The following TET3 variants were observed in gnomAD, a reference collection of about 807,000 sequenced individuals.
TET3 encodes the protein methylcytosine dioxygenase TET3.
Under a neutral mutation model 141.4 loss-of-function variants are expected in TET3, and 19 were observed. The ratio of observed to expected loss-of-function variants is 0.13; its 90% CI spans 0.09 to 0.20. TET3 has a LOEUF of 0.20. Ranked by LOEUF, TET3 falls within the 10% of genes least tolerant of loss-of-function variation. The probability of loss-of-function intolerance (pLI) is 1.00; values close to 1 mark genes in which losing one functional copy is unlikely to be tolerated. For synonymous variants in TET3, 1,043 were observed against 980.9 expected, an observed-to-expected ratio of 1.06 and a Z score of -1.18; for missense variants, 1,874 against 2,356.9, an observed-to-expected ratio of 0.80 and a Z score of 4.24.
At chr2:74,019,273 A>G (rs377532320) in intron 3 of TET3, among the ~76,000 whole-genome samples, 4 of 152,148 alleles carry the variant, frequency 2.6e-5, no homozygotes, top group African/African-American at 9.7e-5. Flanking sequence ...AAACCAAACA[A>G]ACAAAATAAA....
chr2:73,988,500 G>GC (rs1245394034), intron 2 of TET3, among the ~76,000 whole-genome samples: 3 of 152,210 alleles, frequency 2.0e-5, no homozygotes, highest in Non-Finnish European at 4.4e-5. Flanking sequence ...TGGGAGTGAG[G>GC]CCAGGACCTT....
At chr2:74,021,790 G>C (rs76186867) in intron 3 of TET3, among the ~76,000 whole-genome samples, 1,642 of 152,270 alleles carry the variant, frequency 0.011, 32 homozygotes, top group Non-Finnish European at 0.013. Context: ...TAACAAAAGA[G>C]GCTGCCTGTT....
intron 2 of TET3, among the ~76,000 whole-genome samples, chr2:73,998,159 C>T (rs1031791360): frequency 3.3e-5 from 5 of 152,176 alleles, no homozygotes; most frequent in African/African-American, 7.2e-5. Flanking sequence ...GTTAATTCCT[C>T]TTGGAAGTCT....
chr2:74,073,751 A>C, intron 5 of TET3, 112 bp downstream of exon 5: 2 of 812,336 alleles, frequency 2.5e-6, no homozygotes, highest in South Asian at 2.1e-5. Flanking sequence ...CAGAAAGGAA[A>C]CCCTGATAAC....
chr2:74,132,097 C>G, the TET3 span, among the ~76,000 whole-genome samples: 1 of 152,164 alleles, frequency 6.6e-6, no homozygotes, highest in Non-Finnish European at 1.5e-5. Flanking sequence ...TTCCTCCAGT[C>G]AAGAACATCT....
Position 74,101,124 on chromosome 2 carries a change from C to T in TET3, c.4336C>T (p.Pro1446Ser), listed in dbSNP as rs781407750. 6.2e-7 allele frequency: 1 copy of T among 1,613,624 alleles called. No homozygotes were observed. The highest frequency in any genetic ancestry group is 8.5e-7 in the Non-Finnish European group (1 of 1,179,808). The change falls in exon 12 of 12, where the codon CCC becomes TCC. Residue 1446 changes from proline to serine, a missense_variant. Physicochemically the swap from Pro to Ser is moderately conservative, Grantham distance 74. Around this residue, in one of 10 missense-constraint regions of TET3, gnomAD observed 602 missense variants for 590.2 expected, o/e 1.02. Transcript: ENST00000409262. The surrounding 1 kb of genome is among the most constrained non-coding windows in gnomAD (Gnocchi z 8.5). ...GTACTCAGGAGGCCCAAGCATGTCC[C>T]CCAAGAGGACTAACGGTGTGGGTGG... is the stretch of plus-strand genomic sequence containing the variant. ...GQYSGGPSMS[P>S]KRTNGVGGSW...
At chr2:74,001,709 C>G (rs907952621) in intron 2 of TET3, among the ~76,000 whole-genome samples, 3 of 152,172 alleles carry the variant, frequency 2.0e-5, no homozygotes, top group African/African-American at 7.2e-5. Flanking sequence ...CCTCTCCCCT[C>G]TCTGTTCTTT....
rs115398409 is a variant in TET3 at position 74,020,171 on chromosome 2, T to C, written c.360+17005T>C. Among the ~76,000 whole-genome samples, 591 of 152,314 alleles carry C rather than the reference T, an allele frequency of 3.9e-3. 4 individuals are homozygous for C. Among genetic ancestry groups the C allele is most frequent in the African/African-American group, 0.013 (560 of 41,564 alleles). ...GTTTATTCCTATCCGTGTGCTAATC[T>C]TTACCATAGCGTTTGCATTTGTTTT... On this transcript the variant is annotated intron_variant, in intron 3 of 11. Transcript: ENST00000409262.
the TET3 span, among the ~76,000 whole-genome samples, chr2:74,132,138 T>C: frequency 6.6e-6 from 1 of 152,164 alleles, no homozygotes; most frequent in African/African-American, 2.4e-5. Flanking sequence ...CTTTGAAGAA[T>C]AGAACCCCCT....
intron 4 of TET3, among the ~76,000 whole-genome samples, chr2:74,065,565 T>G (rs1339963191): frequency 6.6e-6 from 1 of 151,490 alleles, no homozygotes; most frequent in African/African-American, 2.4e-5. Context: ...GTTTTTTTTT[T>G]TTTTGGCTTG....
At chr2:74,095,096 C>T (rs979687157) in intron 10 of TET3, among the ~76,000 whole-genome samples, 2 of 152,134 alleles carry the variant, frequency 1.3e-5, no homozygotes, top group Admixed American at 6.5e-5. Flanking sequence ...GCAGACAGGG[C>T]TTCCAGGGGC....
chr2:73,997,554 A>G (rs780497586), intron 2 of TET3, among the ~76,000 whole-genome samples: 63 of 152,106 alleles, frequency 4.1e-4, no homozygotes, highest in Non-Finnish European at 6.6e-4. Context: ...TGCCAGGAGG[A>G]CAAGGAGAGA....
intron 3 of TET3, among the ~76,000 whole-genome samples, chr2:74,017,148 G>A (rs1448020047): frequency 2.6e-5 from 4 of 152,018 alleles, no homozygotes; most frequent in Non-Finnish European, 5.9e-5. Context: ...AATTAGCCCC[G>A]CACGACATTG....
chr2:74,003,587 G>A (rs1458668308), intron 3 of TET3, among the ~76,000 whole-genome samples: 240 of 150,990 alleles, frequency 1.6e-3, no homozygotes, highest in Non-Finnish European at 2.5e-3. Flanking sequence ...TAAGAGGGAG[G>A]GAGAATTGCG....
At chr2:74,005,855 T>TA (rs1190521870) in intron 3 of TET3, among the ~76,000 whole-genome samples, 1 of 152,226 alleles carries the variant, frequency 6.6e-6, no homozygotes, top group Admixed American at 6.5e-5. Context: ...CTACCCGTGA[T>TA]ATCTCAAGGA....
chr2:74,034,138 G>A (rs1686899316), intron 3 of TET3, among the ~76,000 whole-genome samples: 1 of 149,976 alleles, frequency 6.7e-6, no homozygotes, highest in Non-Finnish European at 1.5e-5. Flanking sequence ...ATGTGAGGTT[G>A]CCACAAACCT....
chr2:74,034,243 TATA>T (rs1285670555), intron 3 of TET3, among the ~76,000 whole-genome samples: 1 of 146,152 alleles, frequency 6.8e-6, no homozygotes, highest in East Asian at 1.9e-4. Flanking sequence ...ATGGCTGTAT[TATA>T]GTTTTTTTTT....
chr2:74,005,801 T>A (rs1685123834), intron 3 of TET3, among the ~76,000 whole-genome samples: 1 of 152,200 alleles, frequency 6.6e-6, no homozygotes, highest in South Asian at 2.1e-4. Flanking sequence ...GAGTTGAGCT[T>A]GATAAACGCA....
rs1381309491 is a variant in TET3, at chr2:73,986,132, C to G, written c.-272C>G. On this transcript the variant is annotated 5_prime_UTR_variant, in exon 2 of 12. Coordinates refer to ENST00000409262, the MANE Select transcript of TET3 (RefSeq NM_001287491.2). Reference sequence around the variant, plus strand: ...AAGAACCCACCGGGCCAAGATGATCCCTTTTCTGAGGGCTGCTGCTGGTGT... The same window carrying G: ...AAGAACCCACCGGGCCAAGATGATCGCTTTTCTGAGGGCTGCTGCTGGTGT... The G allele has an allele frequency of 9.5e-6, 3 of 317,082 alleles. No homozygotes were observed. The highest frequency in any genetic ancestry group is 1.7e-5 in the Non-Finnish European group (3 of 174,630). 19.6% of individuals were successfully genotyped at this position (317,082 alleles called of 1,614,324 possible).
Sources: gnomAD v4.1 joint callset for allele counts (sites outside exome capture counted in the v4.1 genomes callset) on GRCh38, gnomAD v4.1.1 for gene constraint, gnomAD v4.1.1 regional missense constraint, Gnocchi (gnomAD v3.1) non-coding constraint, MANE v1.5 for transcripts, NCBI Gene and HGNC (gene_info 2026-07-23, HGNC 2026-07-21) for gene names.